FGF14: variants seen among roughly 807,000 people sequenced by gnomAD.
FGF14 encodes the protein fibroblast growth factor 14, also known as fibroblast growth factor homologous factor 4.
Under a neutral mutation model 25.5 loss-of-function variants are expected in FGF14, and 5 were observed. That is an observed-to-expected ratio of 0.20 (90% confidence interval 0.10 to 0.41). The LOEUF (loss-of-function observed/expected upper bound fraction) is 0.41. FGF14 is among the 10% of genes least tolerant of loss of function. FGF14 has a pLI of 1.00. For missense variants in FGF14, 222 were observed against 320.1 expected (o/e 0.69, Z 2.34); for synonymous variants, 138 against 118.3 (o/e 1.17, Z -1.08).
At chr13:102,220,728 A>G (rs1460016444) in intron 1 of FGF14, among the ~76,000 whole-genome samples, 1 of 152,192 alleles carries the variant, frequency 6.6e-6, no homozygotes, top group Non-Finnish European at 1.5e-5. Context: ...ACTTCACATG[A>G]TGTCTGCAAG....
At chr13:102,270,686 T>C (rs1269189538) in intron 1 of FGF14, among the ~76,000 whole-genome samples, 2 of 152,168 alleles carry the variant, frequency 1.3e-5, no homozygotes, top group African/African-American at 4.8e-5. Flanking sequence ...GTACATTGCA[T>C]TGTATTTTAT....
At chr13:101,781,972 C>T (rs2039518690) in intron 3 of FGF14, among the ~76,000 whole-genome samples, 1 of 152,150 alleles carries the variant, frequency 6.6e-6, no homozygotes, top group African/African-American at 2.4e-5. Flanking sequence ...ATAAAGGTAT[C>T]CCTTAAAATT....
rs1424721524 is a variant in FGF14, at chr13:102,396,482, T to A, written c.208+4989A>T. Among the ~76,000 whole-genome samples the A allele has an allele frequency of 4.3e-4, 66 of 152,204 alleles. 1 individual carries two copies. The highest frequency in any genetic ancestry group is 4.3e-3 in the Admixed American group (66 of 15,278). The stretch of plus-strand genomic sequence containing the variant: ...AAAATGTGCAAAGGAGTGAAAACAT[T>A]GGTTGTTGTCCTTGTTACCATATGT... On this transcript the variant is annotated intron_variant, in intron 1 of 4. Coordinates refer to the FGF14 transcript ENST00000376131.
intron 1 of FGF14, among the ~76,000 whole-genome samples, chr13:102,238,333 A>G (rs2051423670): frequency 6.6e-6 from 1 of 152,240 alleles, no homozygotes. Context: ...TAGAATATAA[A>G]GAATGTTTCC....
chr13:101,869,989 C>T (rs1370914888), intron 2 of FGF14, among the ~76,000 whole-genome samples: 1 of 152,146 alleles, frequency 6.6e-6, no homozygotes, highest in Admixed American at 6.6e-5. Context: ...CCCAAGATGT[C>T]TGTGCTACAC....
chr13:101,714,414 G>A lies in FGF14; in HGVS notation c.*8417C>T. 7.7e-7 allele frequency: 1 copy of A among 1,297,570 alleles called. No homozygotes were observed. Among genetic ancestry groups the A allele is most frequent in the Non-Finnish European group, 1.1e-6 (1 of 891,972 alleles). The allele number at this position is 1,297,570 out of a possible 1,614,324, so 80.4% of individuals were successfully genotyped here. ...AAACCTTTAGTTATAAGGTGATGGTGAGTAATAGCCTTTGTAATTTCAGGT... is the reference window on the plus strand; with the variant it reads ...AAACCTTTAGTTATAAGGTGATGGTAAGTAATAGCCTTTGTAATTTCAGGT... On this transcript the variant is annotated 3_prime_UTR_variant, in exon 5 of 5. Coordinates refer to ENST00000376143, the MANE Select transcript of FGF14 (RefSeq NM_004115.4).
intron 1 of FGF14, among the ~76,000 whole-genome samples, chr13:102,151,956 CATT>C (rs2047107922): frequency 6.6e-6 from 1 of 152,092 alleles, no homozygotes; most frequent in Non-Finnish European, 1.5e-5. Flanking sequence ...GATTACAATG[CATT>C]ATTAGCCCAT....
chr13:102,161,621 A>C (rs1179179603), intron 1 of FGF14, among the ~76,000 whole-genome samples: 31 of 7,824 alleles, frequency 4.0e-3, no homozygotes, highest in Non-Finnish European at 5.7e-3. Context: ...AAGAAGAAGA[A>C]GAAGAAGAAG....
chr13:101,993,421 T>C (rs1024714482), intron 1 of FGF14, among the ~76,000 whole-genome samples: 6 of 152,016 alleles, frequency 3.9e-5, no homozygotes, highest in African/African-American at 1.4e-4. Flanking sequence ...GAAAGAGCAT[T>C]AGATAATAAG....
At chr13:102,073,828 AG>A (rs2043245181) in intron 1 of FGF14, among the ~76,000 whole-genome samples, 1 of 152,212 alleles carries the variant, frequency 6.6e-6, no homozygotes, top group African/African-American at 2.4e-5. Context: ...ACAAAGACCA[AG>A]GCCTTGATCT....
chr13:101,989,878 A>T (rs1215162823), intron 1 of FGF14, among the ~76,000 whole-genome samples: 1 of 152,058 alleles, frequency 6.6e-6, no homozygotes, highest in Non-Finnish European at 1.5e-5. Flanking sequence ...TCCTGTAGTT[A>T]TTTCACTGAG....
chr13:102,011,217 C>G (rs916617026), intron 1 of FGF14, among the ~76,000 whole-genome samples: 1 of 152,164 alleles, frequency 6.6e-6, no homozygotes, highest in Middle Eastern at 3.2e-3. Context: ...TTCCTAAACA[C>G]TATATGGAGA....
At chr13:102,260,131 G>A (rs1275327474) in intron 1 of FGF14, among the ~76,000 whole-genome samples, 2 of 151,878 alleles carry the variant, frequency 1.3e-5, no homozygotes, top group African/African-American at 4.8e-5. Flanking sequence ...GAAGAGAGAA[G>A]AAAAAAAGAA....
intron 3 of FGF14, among the ~76,000 whole-genome samples, chr13:101,748,350 G>A (rs561168371): frequency 1.3e-5 from 2 of 152,034 alleles, no homozygotes; most frequent in South Asian, 4.1e-4. Flanking sequence ...GATGGAACTA[G>A]AGGTCATTAT....
intron 1 of FGF14, among the ~76,000 whole-genome samples, chr13:102,121,563 A>C (rs2045726732): frequency 6.6e-6 from 1 of 152,194 alleles, no homozygotes; most frequent in Non-Finnish European, 1.5e-5. Flanking sequence ...TTTTATTTGT[A>C]ATCATATTTT....
chr13:102,062,431 A>T (rs76561743), intron 1 of FGF14, among the ~76,000 whole-genome samples: 8,647 of 152,286 alleles, frequency 0.057, 345 homozygotes, highest in Non-Finnish European at 0.089. Context: ...ACGACTAGTA[A>T]AACAGAAGCT....
intron 1 of FGF14, among the ~76,000 whole-genome samples, chr13:102,308,269 C>A (rs545225176): frequency 6.6e-6 from 1 of 152,128 alleles, no homozygotes; most frequent in African/African-American, 2.4e-5. Context: ...TTGTGTTTAA[C>A]AATAAAAAGT....
intron 1 of FGF14, among the ~76,000 whole-genome samples, chr13:102,245,586 A>G (rs1343367863): frequency 6.6e-6 from 1 of 152,082 alleles, no homozygotes; most frequent in Admixed American, 6.6e-5. Context: ...GCTAACATTA[A>G]TATTTCTATA....
In FGF14 at chr13:101,868,309, A is replaced by T. The variant is rs1327847282; in HGVS notation, c.408+416T>A. The T allele has an allele frequency of 1.0e-4, 21 of 204,690 alleles. 1 individual carries two copies. In the South Asian group the frequency reaches 1.6e-3, roughly 16 times the overall value. The allele number at this position is 204,690 out of a possible 1,614,324, so 12.7% of individuals were successfully genotyped here. On this transcript the variant is annotated intron_variant, in intron 3 of 4. Transcript: ENST00000376143. ...ACACATTTCAATATTATAAGTAGTT[A>T]TTTTTTCAGTAAAATATCCACACAA...
Sources: allele counts gnomAD v4.1 joint callset (sites outside exome capture counted in the v4.1 genomes callset), GRCh38; gene constraint gnomAD v4.1.1; transcripts MANE v1.5; gene names NCBI Gene and HGNC (gene_info 2026-07-23, HGNC 2026-07-21).